The following LRP8 variants were observed in gnomAD, a reference collection of about 807,000 sequenced individuals.
LRP8 encodes the protein low-density lipoprotein receptor-related protein 8.
LRP8 carries 46 observed loss-of-function variants against 111.6 expected under a neutral mutation model. That is an observed-to-expected ratio of 0.41 (90% CI 0.33 to 0.53). The LOEUF (loss-of-function observed/expected upper bound fraction) is 0.53. LRP8 is among the 20% of genes least tolerant of loss of function. LRP8 has a pLI of 0.20. For synonymous variants in LRP8, 464 were observed against 511.2 expected, an observed-to-expected ratio of 0.91 and a Z score of 1.24; for missense variants, 959 against 1,297.4, an observed-to-expected ratio of 0.74 and a Z score of 4.01.
chr1:53,260,062 G>A (rs1417973161), intron 13 of LRP8, among the ~76,000 whole-genome samples: 1 of 152,164 alleles, frequency 6.6e-6, no homozygotes, highest in Non-Finnish European at 1.5e-5. Context: ...ACTGCAGAAT[G>A]GCTACAAATA....
At chr1:53,318,243 T>C (rs981071990) in intron 2 of LRP8, among the ~76,000 whole-genome samples, 1 of 150,194 alleles carries the variant, frequency 6.7e-6, no homozygotes, top group East Asian at 1.9e-4. Flanking sequence ...TCTTCTGCTT[T>C]TTTTTTTTTT....
intron 2 of LRP8, among the ~76,000 whole-genome samples, chr1:53,301,206 C>T (rs891020688): frequency 1.3e-5 from 2 of 152,162 alleles, no homozygotes; most frequent in Admixed American, 1.3e-4. Context: ...AGGTGGGGAT[C>T]ATGGGGGCAT....
intron 12 of LRP8, 101 bp from the exon 13 acceptor site, chr1:53,260,706 A>T: frequency 8.3e-7 from 1 of 1,201,770 alleles, no homozygotes; most frequent in East Asian, 2.4e-5. Context: ...ACTTCCCTGA[A>T]ATCTCCCCTG....
At chr1:53,257,019 C>T (rs974224924) in intron 15 of LRP8, among the ~76,000 whole-genome samples, 1 of 152,192 alleles carries the variant, frequency 6.6e-6, no homozygotes, top group African/African-American at 2.4e-5. Context: ...GCAACTGAGG[C>T]TCACAGGGTC....
intron 2 of LRP8, among the ~76,000 whole-genome samples, chr1:53,308,324 G>A (rs936209127): frequency 3.3e-5 from 5 of 152,196 alleles, no homozygotes; most frequent in African/African-American, 9.6e-5. Context: ...AGTATGCTCC[G>A]AGCAGGCCAG....
At chr1:53,324,358 C>T (rs572813157) in intron 2 of LRP8, among the ~76,000 whole-genome samples, 14 of 152,318 alleles carry the variant, frequency 9.2e-5, no homozygotes, top group African/African-American at 3.1e-4. Flanking sequence ...AGCCCCACTC[C>T]GTTTCTTCAG....
rs2100417031 is a variant in LRP8, at chr1:53,275,063, A to T, written c.1006+568T>A. On this transcript the variant is annotated intron_variant, in intron 6 of 18. Transcript: ENST00000306052. This position sits in a 1 kb window ranked among gnomAD's most constrained non-coding sequence, Gnocchi z 4.4. ...GCAGGGCTGTGGGGATCTGCGTCTC[A>T]TCTTGCAGGACTCAGGTCCTAGGAG... Among the ~76,000 whole-genome samples the T allele has an allele frequency of 6.6e-6, 1 of 152,290 alleles. No homozygotes were observed. The highest frequency in any genetic ancestry group is 1.9e-4 in the East Asian group (1 of 5,182).
intron 2 of LRP8, among the ~76,000 whole-genome samples, chr1:53,304,011 T>C (rs1016361347): frequency 5.9e-5 from 9 of 151,990 alleles, no homozygotes; most frequent in African/African-American, 2.2e-4. Context: ...AGAGCTGCCA[T>C]GAAATGACTT....
intron 9 of LRP8, among the ~76,000 whole-genome samples, chr1:53,264,807 G>A (rs1255627743): frequency 3.9e-5 from 6 of 152,212 alleles, no homozygotes. Flanking sequence ...GAACAAGAAA[G>A]GCTTGTGCAA....
intron 2 of LRP8, among the ~76,000 whole-genome samples, chr1:53,319,774 G>A (rs1158931348): frequency 1.3e-5 from 2 of 152,246 alleles, no homozygotes; most frequent in African/African-American, 4.8e-5. Flanking sequence ...GCTGCCGGGG[G>A]ACCCAGCTCA....
chr1:53,308,103 TCTC>T (rs1323514475), intron 2 of LRP8, among the ~76,000 whole-genome samples: 2 of 152,184 alleles, frequency 1.3e-5, no homozygotes, highest in African/African-American at 4.8e-5. Context: ...GGCTGCTGGC[TCTC>T]CTATCAGACT....
At chr1:53,304,574 G>C (rs1252724130) in intron 2 of LRP8, 1 of 152,280 alleles carries the variant, frequency 6.6e-6, no homozygotes, top group East Asian at 1.9e-4. Context: ...TCAAGCAGCA[G>C]GCCAACTGTG....
chr1:53,327,027 G>A (rs760553130), intron 1 of LRP8, 35 bp from the exon 2 acceptor site: 2 of 1,607,444 alleles, frequency 1.2e-6, no homozygotes, highest in Admixed American at 3.3e-5. Context: ...TGGATCAGCG[G>A]ACTCGGCCCC....
intron 2 of LRP8, among the ~76,000 whole-genome samples, chr1:53,320,080 C>T (rs959922164): frequency 7.9e-5 from 12 of 152,262 alleles, no homozygotes; most frequent in African/African-American, 2.9e-4. Flanking sequence ...GTCATGATAC[C>T]TCAAGGCACC....
At chr1:53,261,965 C>T in intron 12 of LRP8, 103 bp downstream of exon 12, 1 of 1,368,750 alleles carries the variant, frequency 7.3e-7, no homozygotes, top group Non-Finnish European at 1.0e-6. Flanking sequence ...TTTCCCTGTT[C>T]CTGTTTTCAT....
At chr1:53,264,139 G>A in intron 10 of LRP8, 30 bp downstream of exon 10, 1 of 1,602,220 alleles carries the variant, frequency 6.2e-7, no homozygotes. Flanking sequence ...CCTATGGTGG[G>A]AGAATGGGAA....
chr1:53,290,952 C>G (rs1467555907), intron 2 of LRP8, among the ~76,000 whole-genome samples: 3 of 152,122 alleles, frequency 2.0e-5, no homozygotes, highest in Non-Finnish European at 2.9e-5. Flanking sequence ...TCATCTGCAT[C>G]AAATCTGCAT....
intron 2 of LRP8, among the ~76,000 whole-genome samples, chr1:53,321,965 G>T (rs1654573814): frequency 6.6e-6 from 1 of 152,082 alleles, no homozygotes; most frequent in Non-Finnish European, 1.5e-5. Context: ...CTCTACGGTG[G>T]CTGGGCAACT....
At chr1:53,315,602 C>T (rs1021479197) in intron 2 of LRP8, among the ~76,000 whole-genome samples, 1 of 152,164 alleles carries the variant, frequency 6.6e-6, no homozygotes, top group Non-Finnish European at 1.5e-5. Context: ...TTATCCATGT[C>T]GTGATAGATC....
Sources: gnomAD v4.1 joint callset for allele counts (sites outside exome capture counted in the v4.1 genomes callset) on GRCh38, gnomAD v4.1.1 for gene constraint, Gnocchi (gnomAD v3.1) non-coding constraint, MANE v1.5 for transcripts, NCBI Gene and HGNC (gene_info 2026-07-23, HGNC 2026-07-21) for gene names.